TMEM51: variants seen among roughly 807,000 people sequenced by gnomAD.
The protein encoded by TMEM51 is transmembrane protein 51.
In TMEM51, 8 loss-of-function variants were observed where a neutral mutation model predicts 13.6. The ratio of observed to expected loss-of-function variants is 0.59; its 90% CI spans 0.35 to 1.07. The LOEUF is 1.07. Ranked by LOEUF, TMEM51 falls within the 50% of genes least tolerant of loss-of-function variation. The probability of loss-of-function intolerance (pLI) is 0.02; values close to 1 mark genes in which losing one functional copy is unlikely to be tolerated. For missense variants in TMEM51, 279 were observed against 330.7 expected, an observed-to-expected ratio of 0.84 and a Z score of 1.21; for synonymous variants, 147 against 144.4, an observed-to-expected ratio of 1.02 and a Z score of -0.13.
At chr1:15,214,721 C>A (rs1028228082) in intron 2 of TMEM51, among the ~76,000 whole-genome samples, 174 bp from the exon 3 acceptor site, 1 of 152,218 alleles carries the variant, frequency 6.6e-6, no homozygotes, top group African/African-American at 2.4e-5. Context: ...CTCGCAGCCT[C>A]GCACAAGGAG....
intron 1 of TMEM51, among the ~76,000 whole-genome samples, chr1:15,174,417 G>T (rs1014482031): frequency 1.3e-5 from 2 of 152,054 alleles, no homozygotes; most frequent in African/African-American, 2.4e-5. Context: ...CTATTCTTTA[G>T]TTTTTGTAGA....
Position 15,215,362 on chromosome 1 carries a change from G to C in TMEM51, c.275G>C (p.Arg92Pro), listed in dbSNP as rs3766158. Residue 92 changes from arginine to proline, a missense_variant, in exon 3 of 4, where the codon CGG becomes CCG. Transcript: ENST00000376008. ...CLSIRDKRKQ[R>P]QGEDLAHVQH... is the part of the protein sequence containing the mutation. ...AGTATCAGGGATAAGAGGAAGCAGC[G>C]GCAGGGCGAGGACCTGGCCCATGTC... 2 of 1,612,510 alleles carry C rather than the reference G, an allele frequency of 1.2e-6. No individual in the cohort carries two copies. The highest frequency in any genetic ancestry group is 2.7e-5 in the African/African-American group (2 of 74,946).
At chr1:15,157,859 C>T (rs1417959212) in intron 1 of TMEM51, among the ~76,000 whole-genome samples, 2 of 152,204 alleles carry the variant, frequency 1.3e-5, no homozygotes, top group Non-Finnish European at 2.9e-5. Flanking sequence ...CTTGTAAAAA[C>T]GAGCAGATGA....
intron 1 of TMEM51, among the ~76,000 whole-genome samples, chr1:15,200,695 T>C (rs1227446337): frequency 1.3e-5 from 2 of 152,158 alleles, no homozygotes; most frequent in African/African-American, 2.4e-5. Flanking sequence ...TCCCCTTCCC[T>C]GCAAGCTGTC....
chr1:15,180,318 A>G (rs1643576392), intron 1 of TMEM51, among the ~76,000 whole-genome samples: 1 of 152,254 alleles, frequency 6.6e-6, no homozygotes, highest in Admixed American at 6.5e-5. Flanking sequence ...AGCTATGGAC[A>G]AAGGCTCCTC....
chr1:15,216,155 G>C (rs553323363), intron 3 of TMEM51, among the ~76,000 whole-genome samples: 7 of 152,258 alleles, frequency 4.6e-5, no homozygotes, highest in African/African-American at 1.7e-4. Context: ...GCCTGGGGTG[G>C]CCAGCATATT....
intron 1 of TMEM51, among the ~76,000 whole-genome samples, chr1:15,160,810 T>C (rs1404111749): frequency 6.6e-6 from 1 of 151,874 alleles, no homozygotes; most frequent in East Asian, 1.9e-4. Flanking sequence ...TCCTGATACA[T>C]ATGGTATGCC....
intron 1 of TMEM51, among the ~76,000 whole-genome samples, chr1:15,154,417 A>ATG (rs1194397904): frequency 2.0e-5 from 3 of 152,114 alleles, no homozygotes; most frequent in South Asian, 2.1e-4. Flanking sequence ...GTGTGTGTGT[A>ATG]TGTGTGTGTG....
chr1:15,203,429 AT>A (rs112836703), intron 1 of TMEM51, among the ~76,000 whole-genome samples: 19,324 of 140,082 alleles, frequency 0.14, 1,407 homozygotes, highest in African/African-American at 0.19. Flanking sequence ...TAATTTTTGT[AT>A]TTTTTTTTTT....
At chr1:15,160,940 C>A (rs1573369890) in intron 1 of TMEM51, among the ~76,000 whole-genome samples, 1 of 151,070 alleles carries the variant, frequency 6.6e-6, no homozygotes, top group East Asian at 2.0e-4. Flanking sequence ...GATGAGGAAG[C>A]ACAGCCCGTG....
intron 2 of TMEM51, among the ~76,000 whole-genome samples, chr1:15,214,579 G>A (rs1264741862): frequency 5.3e-5 from 8 of 152,194 alleles, no homozygotes; most frequent in Non-Finnish European, 2.9e-5. Flanking sequence ...CAAGAGCTAC[G>A]ATTTTACTGC....
chr1:15,194,190 T>C (rs1242091322), intron 1 of TMEM51, among the ~76,000 whole-genome samples: 1 of 152,216 alleles, frequency 6.6e-6, no homozygotes, highest in Non-Finnish European at 1.5e-5. Flanking sequence ...TAATTTTAAA[T>C]TTCCTGGTAA....
intron 1 of TMEM51, among the ~76,000 whole-genome samples, chr1:15,184,063 C>T (rs1214487989): frequency 6.6e-6 from 1 of 151,848 alleles, no homozygotes; most frequent in Non-Finnish European, 1.5e-5. Flanking sequence ...TTTTTTTTGA[C>T]GGAGTCTCAC....
intron 3 of TMEM51, among the ~76,000 whole-genome samples, chr1:15,218,906 C>T (rs1644468760): frequency 6.6e-6 from 1 of 152,140 alleles, no homozygotes; most frequent in Admixed American, 6.5e-5. Flanking sequence ...TTCCAAGAGC[C>T]CCTATGTGGC....
chr1:15,166,798 C>T (rs899629506), intron 1 of TMEM51, among the ~76,000 whole-genome samples: 1 of 152,116 alleles, frequency 6.6e-6, no homozygotes, highest in South Asian at 2.1e-4. Flanking sequence ...GAACACAGTT[C>T]GATGAGTTTT....
chr1:15,169,338 A>C (rs539297878), intron 1 of TMEM51, among the ~76,000 whole-genome samples: 35 of 152,328 alleles, frequency 2.3e-4, no homozygotes, highest in African/African-American at 8.4e-4. Context: ...GTTGCCAAGG[A>C]ATCAAGCTCT....
intron 2 of TMEM51, among the ~76,000 whole-genome samples, chr1:15,213,363 G>A (rs1573450398): frequency 1.3e-5 from 2 of 152,156 alleles, no homozygotes; most frequent in East Asian, 1.9e-4. Context: ...AAATATCTTC[G>A]CAGCATCAGA....
intron 1 of TMEM51, chr1:15,171,127 C>T: frequency 1.6e-6 from 2 of 1,288,086 alleles, no homozygotes; most frequent in Non-Finnish European, 2.0e-6. Context: ...ATCCCCCACC[C>T]CCAGTTGCTG....
In TMEM51 at chr1:15,219,797, G is replaced by GACTC. The variant is rs1267902032; in HGVS notation, c.*55_*58dup. On this transcript the variant is annotated 3_prime_UTR_variant, in exon 4 of 4. Transcript: ENST00000376008. ...TGTCTCTCACACCTTTCACCCCCAA[G>GACTC]ACTCTAACAAAGCCACATGAGCCAC... The GACTC allele has an allele frequency of 1.2e-4, 188 of 1,568,132 alleles. No homozygotes were observed. Among genetic ancestry groups the GACTC allele is most frequent in the Non-Finnish European group, 1.4e-5 (16 of 1,156,888 alleles).
Sources: gnomAD v4.1 joint callset for allele counts (sites outside exome capture counted in the v4.1 genomes callset) on GRCh38, gnomAD v4.1.1 for gene constraint, MANE v1.5 for transcripts, NCBI Gene and HGNC (gene_info 2026-07-23, HGNC 2026-07-21) for gene names.